PARP16: variants seen among roughly 807,000 people sequenced by gnomAD.
PARP16 encodes poly(ADP-ribose) polymerase family member 16.
Under a neutral mutation model 35.0 loss-of-function variants are expected in PARP16, and 31 were observed. The ratio of observed to expected loss-of-function variants is 0.88; its 90% CI spans 0.66 to 1.19. The LOEUF is 1.19. Among genes scored for constraint, PARP16 ranks in the 50% most tolerant of loss-of-function variants. PARP16 has a pLI of 0.00. For missense variants in PARP16, 424 were observed against 411.2 expected (o/e 1.03, Z -0.27); for synonymous variants, 162 against 169.5 (o/e 0.96, Z 0.34).
At chr15:65,245,440 TCTGG>T (rs1404833538) in intron 3 of PARP16, among the ~76,000 whole-genome samples, 1 of 152,228 alleles carries the variant, frequency 6.6e-6, no homozygotes, top group East Asian at 1.9e-4. Context: ...AGCCCAGCTC[TCTGG>T]CTGAGGGAAG....
intron 3 of PARP16, among the ~76,000 whole-genome samples, 165 bp from the exon 4 acceptor site, chr15:65,263,485 A>C (rs375596483): frequency 6.6e-6 from 1 of 152,230 alleles, no homozygotes; most frequent in Non-Finnish European, 1.5e-5. Context: ...ATATCATCAC[A>C]GGGTTATTAC....
At chr15:65,271,344 G>A (rs2090086979) in intron 1 of PARP16, among the ~76,000 whole-genome samples, 1 of 152,090 alleles carries the variant, frequency 6.6e-6, no homozygotes, top group African/African-American at 2.4e-5. Context: ...CATGATCTTG[G>A]CTCACTGCAG....
At chr15:65,244,449 G>T (rs1326878984) in intron 3 of PARP16, among the ~76,000 whole-genome samples, 1 of 152,150 alleles carries the variant, frequency 6.6e-6, no homozygotes, top group African/African-American at 2.4e-5. Flanking sequence ...ATGGCAGCAG[G>T]CAAGAGAGTG....
downstream of PARP16, among the ~76,000 whole-genome samples, chr15:65,257,757 TGC>T (rs1469516644): frequency 6.6e-6 from 1 of 152,188 alleles, no homozygotes. Flanking sequence ...TAGGACTCCT[TGC>T]CAAGTATTTC....
In PARP16 at chr15:65,286,335, A is replaced by G; in HGVS notation, c.92T>C (p.Leu31Pro). Reference protein sequence around the residue: ...DLRCSLFASALQSYKRDSVLR... With the variant: ...DLRCSLFASAPQSYKRDSVLR... ...CACCGAGTCGCGCTTGTAGCTCTGCAGGGCCGAGGCGAAGAGGCTGCACCG... is the reference window on the plus strand; with the variant it reads ...CACCGAGTCGCGCTTGTAGCTCTGCGGGGCCGAGGCGAAGAGGCTGCACCG... The change falls in exon 1 of 6, where the codon CTG (leucine) becomes CCG (proline). Residue 31 changes from leucine to proline, a missense_variant. Leu to Pro is a moderately conservative substitution (Grantham distance 98). Coordinates refer to ENST00000649807, the MANE Select transcript of PARP16 (RefSeq NM_001316943.2). 1.9e-6 allele frequency: 3 copies of G among 1,603,334 alleles called. No homozygotes were observed. The highest frequency in any genetic ancestry group is 2.6e-6 in the Non-Finnish European group (3 of 1,176,272).
Position 65,286,521 on chromosome 15 carries a change from C to T in PARP16, c.-95G>A, listed in dbSNP as rs1240576368. ...GGGGCTGGGCCCGCGGACAATGGGCCGTCAGGGGCCGGGTTCCCAAGCCTG... is the reference window on the plus strand; with the variant it reads ...GGGGCTGGGCCCGCGGACAATGGGCTGTCAGGGGCCGGGTTCCCAAGCCTG... On this transcript the variant is annotated 5_prime_UTR_variant, in exon 1 of 6. Transcript: ENST00000649807. 2.0e-5 allele frequency: 19 copies of T among 960,588 alleles called. No individual in the cohort carries two copies. Among genetic ancestry groups the T allele is most frequent in the Non-Finnish European group, 2.7e-5 (19 of 692,886 alleles). The allele number at this position is 960,588 out of a possible 1,614,324, so 59.5% of individuals were successfully genotyped here.
At chr15:65,269,186 T>C (rs141866095) in intron 2 of PARP16, among the ~76,000 whole-genome samples, 42,623 of 149,390 alleles carry the variant, frequency 0.29, 6,473 homozygotes, top group Admixed American at 0.34. Flanking sequence ...TTTTCTTTCT[T>C]TCTTTCTTTC....
At chr15:65,273,767 T>A (rs2140931155) in intron 1 of PARP16, among the ~76,000 whole-genome samples, 1 of 151,548 alleles carries the variant, frequency 6.6e-6, no homozygotes, top group East Asian at 1.9e-4. Context: ...TTCCAGCTAC[T>A]CGGGAGGCTG....
At chr15:65,284,093 C>G (rs1447682053) in intron 1 of PARP16, among the ~76,000 whole-genome samples, 2 of 152,180 alleles carry the variant, frequency 1.3e-5, no homozygotes, top group Admixed American at 6.5e-5. Flanking sequence ...GAACCAAACA[C>G]TGATGATTTC....
intron 3 of PARP16, among the ~76,000 whole-genome samples, chr15:65,239,859 C>A (rs1441544784): frequency 1.3e-5 from 2 of 149,434 alleles, no homozygotes; most frequent in African/African-American, 2.5e-5. Flanking sequence ...GGTTTCACTG[C>A]GTTAACTAGG....
At chr15:65,268,145 T>C (rs1490171121) in intron 2 of PARP16, among the ~76,000 whole-genome samples, 2 of 152,216 alleles carry the variant, frequency 1.3e-5, no homozygotes, top group South Asian at 2.1e-4. Context: ...AGATGGAACC[T>C]ACTTCTCCAC....
At chr15:65,240,232 G>A (rs2140729612) in intron 3 of PARP16, among the ~76,000 whole-genome samples, 1 of 151,698 alleles carries the variant, frequency 6.6e-6, no homozygotes, top group Non-Finnish European at 1.5e-5. Context: ...CCACCTCCCG[G>A]GTTCACGCCA....
chr15:65,254,808 T>C (rs1362633921), downstream of PARP16, among the ~76,000 whole-genome samples: 1 of 152,146 alleles, frequency 6.6e-6, no homozygotes, highest in Non-Finnish European at 1.5e-5. Flanking sequence ...CCTCTCCTGG[T>C]TTTGTAGGCA....
downstream of PARP16, among the ~76,000 whole-genome samples, chr15:65,233,506 G>A (rs1237240489): frequency 2.0e-5 from 3 of 152,146 alleles, no homozygotes; most frequent in African/African-American, 4.8e-5. Flanking sequence ...TGGGAGGCCA[G>A]GGCAGGCAGA....
rs1378471679 is a variant in PARP16 at position 65,260,811 on chromosome 15, G to C, written c.833+74C>G. The C allele has an allele frequency of 5.0e-6, 7 of 1,393,888 alleles. No homozygotes were observed. In the African/African-American group the frequency reaches 7.1e-5, roughly 14 times the overall value. 86.3% of individuals were successfully genotyped at this position (1,393,888 alleles called of 1,614,324 possible). Reference sequence around the variant, plus strand: ...AGCGGAGGTCTAAGGCTGGGGGAGGGGAGGCTGATACCTACAACAACTAAG... The same window carrying C: ...AGCGGAGGTCTAAGGCTGGGGGAGGCGAGGCTGATACCTACAACAACTAAG... On this transcript the variant is annotated intron_variant, in intron 5 of 5. Coordinates refer to ENST00000649807, the MANE Select transcript of PARP16 (RefSeq NM_001316943.2).
At chr15:65,239,185 T>A (rs1451225937) in intron 3 of PARP16, among the ~76,000 whole-genome samples, 1 of 151,752 alleles carries the variant, frequency 6.6e-6, no homozygotes, top group Non-Finnish European at 1.5e-5. Context: ...CCTAGCACTT[T>A]GGAAGGCTGA....
chr15:65,261,177 GA>G (rs1319304126), intron 4 of PARP16, 151 bp from the exon 5 acceptor site: 5 of 563,314 alleles, frequency 8.9e-6, no homozygotes, highest in Non-Finnish European at 1.5e-5. Flanking sequence ...AAGCAGCACT[GA>G]AAAAAACGGA....
At chr15:65,256,560 A>C (rs544750443), downstream of PARP16, among the ~76,000 whole-genome samples, 1 of 151,908 alleles carries the variant, frequency 6.6e-6, no homozygotes, top group South Asian at 2.1e-4. Context: ...GGCGCCCGCA[A>C]CCACGCCCGG....
intron 3 of PARP16, among the ~76,000 whole-genome samples, chr15:65,239,220 G>A (rs899817762): frequency 6.6e-6 from 1 of 151,658 alleles, no homozygotes; most frequent in Non-Finnish European, 1.5e-5. Flanking sequence ...GAGGTCAAGA[G>A]ATCGAGACCA....
Sources: gnomAD v4.1 joint callset for allele counts (sites outside exome capture counted in the v4.1 genomes callset) on GRCh38, gnomAD v4.1.1 for gene constraint, MANE v1.5 for transcripts, NCBI Gene and HGNC (gene_info 2026-07-23, HGNC 2026-07-21) for gene names.